The following MAPKAP1 variants were observed in gnomAD, a reference collection of about 807,000 sequenced individuals.
MAPKAP1 encodes target of rapamycin complex 2 subunit MAPKAP1.
A neutral mutation model predicts 65.7 loss-of-function variants in MAPKAP1; 20 were observed. The ratio of observed to expected loss-of-function variants is 0.30; its 90% confidence interval spans 0.21 to 0.44. The LOEUF is 0.44. Ranked by LOEUF, MAPKAP1 falls within the 20% of genes least tolerant of loss-of-function variation. MAPKAP1 has a pLI of 1.00. For synonymous variants in MAPKAP1, 222 were observed against 244.3 expected, an observed-to-expected ratio of 0.91 and a Z score of 0.85; for missense variants, 423 against 648.0, an observed-to-expected ratio of 0.65 and a Z score of 3.77.
At chr9:125,569,299 A>G (rs563048668) in intron 5 of MAPKAP1, among the ~76,000 whole-genome samples, 1 of 152,342 alleles carries the variant, frequency 6.6e-6, no homozygotes, top group African/African-American at 2.4e-5. Flanking sequence ...CTCAAAATGA[A>G]CTACTCTAGA....
intron 5 of MAPKAP1, among the ~76,000 whole-genome samples, chr9:125,571,019 A>C (rs1281420999): frequency 6.6e-6 from 1 of 152,228 alleles, no homozygotes; most frequent in Admixed American, 6.5e-5. Flanking sequence ...GATTTTATTA[A>C]AAATTGCATT....
At chr9:125,638,693 G>GA (rs1833492669) in intron 4 of MAPKAP1, among the ~76,000 whole-genome samples, 1 of 152,190 alleles carries the variant, frequency 6.6e-6, no homozygotes, top group South Asian at 2.1e-4. Flanking sequence ...CGGGCCTGAG[G>GA]AAACAGGGCC....
At chr9:125,565,839 T>C (rs999893615) in intron 5 of MAPKAP1, 21 of 300,734 alleles carry the variant, frequency 7.0e-5, no homozygotes, top group African/African-American at 4.6e-4. Flanking sequence ...GCATGTGGTG[T>C]AACACATAGT....
chr9:125,670,881 G>A (rs1042422973), intron 2 of MAPKAP1, among the ~76,000 whole-genome samples: 5 of 152,044 alleles, frequency 3.3e-5, no homozygotes, highest in East Asian at 3.9e-4. Flanking sequence ...CTCTTTTTCC[G>A]CCTCTTTCAA....
At chr9:125,691,010 C>T (rs546347358) in intron 1 of MAPKAP1, among the ~76,000 whole-genome samples, 2 of 152,260 alleles carry the variant, frequency 1.3e-5, no homozygotes, top group South Asian at 2.1e-4. Context: ...GCCTGTAATC[C>T]CAGCACTGTG....
intron 1 of MAPKAP1, among the ~76,000 whole-genome samples, chr9:125,688,405 G>A (rs187437078): frequency 8.0e-4 from 122 of 152,150 alleles, no homozygotes; most frequent in African/African-American, 2.8e-3. Context: ...CCCAAAGTAC[G>A]GGGGTTACAG....
chr9:125,700,435 C>T (rs1835561834), intron 1 of MAPKAP1, among the ~76,000 whole-genome samples: 1 of 152,176 alleles, frequency 6.6e-6, no homozygotes, highest in Non-Finnish European at 1.5e-5. Flanking sequence ...TCTAACACTG[C>T]TTATATTTAG....
At chr9:125,534,601 T>A (rs1830021700) in intron 7 of MAPKAP1, among the ~76,000 whole-genome samples, 1 of 152,242 alleles carries the variant, frequency 6.6e-6, no homozygotes, top group Non-Finnish European at 1.5e-5. Context: ...TGTCTCTGCT[T>A]CATGTTCTTT....
intron 6 of MAPKAP1, among the ~76,000 whole-genome samples, chr9:125,557,970 C>T (rs892814877): frequency 1.3e-5 from 2 of 152,216 alleles, no homozygotes; most frequent in African/African-American, 2.4e-5. Context: ...GATTCTCCTG[C>T]CTCAGACTCC....
chr9:125,673,342 T>C (rs970834697), intron 1 of MAPKAP1, among the ~76,000 whole-genome samples: 1 of 152,184 alleles, frequency 6.6e-6, no homozygotes, highest in Admixed American at 6.5e-5. Flanking sequence ...TTCTCCGGCC[T>C]CAGCCTCCCG....
At chr9:125,649,798 C>CA (rs35503728) in intron 4 of MAPKAP1, among the ~76,000 whole-genome samples, 4,447 of 75,770 alleles carry the variant, frequency 0.059, 167 homozygotes, top group East Asian at 0.2. Context: ...AACTCCGTCT[C>CA]AAAAAAAAAA....
chr9:125,479,741 G>A (rs1854240259), intron 9 of MAPKAP1, among the ~76,000 whole-genome samples: 1 of 152,112 alleles, frequency 6.6e-6, no homozygotes, highest in African/African-American at 2.4e-5. Context: ...CAGAGCCTGG[G>A]GATTCTGATC....
In MAPKAP1 at chr9:125,698,539, G is replaced by A. The variant is rs187705379; in HGVS notation, c.-70+8432C>T. 2.6e-3 allele frequency among the ~76,000 whole-genome samples: 387 copies of A among 150,972 alleles called. 2 individuals are homozygous for A. The highest frequency in any genetic ancestry group is 5.1e-3 in the Admixed American group (77 of 15,082). On this transcript the variant is annotated intron_variant, in intron 1 of 11. Transcript: ENST00000265960. ...GTATTTTTAGTAGAGACAGGGTTTCGCCATGTTGGCCAGGCTGGTCTCGAA... is the reference window on the plus strand; with the variant it reads ...GTATTTTTAGTAGAGACAGGGTTTCACCATGTTGGCCAGGCTGGTCTCGAA...
intron 5 of MAPKAP1, among the ~76,000 whole-genome samples, chr9:125,564,096 A>G (rs182584511): frequency 1.4e-4 from 22 of 152,330 alleles, no homozygotes; most frequent in Non-Finnish European, 1.6e-4. Context: ...TTTCACAGTG[A>G]TATCTGTTAA....
intron 7 of MAPKAP1, among the ~76,000 whole-genome samples, chr9:125,517,147 C>A (rs1829484337): frequency 6.6e-6 from 1 of 152,130 alleles, no homozygotes; most frequent in Non-Finnish European, 1.5e-5. Context: ...TGCTCTTCAC[C>A]ACTCTGCTCT....
rs1008145665 is a variant in MAPKAP1 at position 125,447,720 on chromosome 9, G to T, written c.1346-3122C>A. 6.6e-6 allele frequency among the ~76,000 whole-genome samples: 1 copy of T among 152,138 alleles called. No individual in the cohort carries two copies. The highest frequency in any genetic ancestry group is 1.5e-5 in the Non-Finnish European group (1 of 68,030). On this transcript the variant is annotated intron_variant, in intron 10 of 11. Coordinates refer to ENST00000265960, the MANE Select transcript of MAPKAP1 (RefSeq NM_001006617.3). This position sits in a 1 kb window ranked among gnomAD's most constrained non-coding sequence, Gnocchi z 4.5. ...TATGATGAGCGTGAAGAAGGTAAAC[G>T]CAGGGAGCTGCCGTGGAGACACCAA...
intron 7 of MAPKAP1, among the ~76,000 whole-genome samples, chr9:125,536,280 G>C (rs1343848505): frequency 6.6e-6 from 1 of 152,222 alleles, no homozygotes; most frequent in East Asian, 1.9e-4. Context: ...GACAGGGAGA[G>C]GCTCAGGTGA....
chr9:125,700,744 T>C (rs934930876), intron 1 of MAPKAP1, among the ~76,000 whole-genome samples: 7 of 152,222 alleles, frequency 4.6e-5, no homozygotes, highest in Non-Finnish European at 1.5e-5. Flanking sequence ...GTTATTTCCT[T>C]ATACAATAGA....
intron 4 of MAPKAP1, among the ~76,000 whole-genome samples, chr9:125,592,924 A>C (rs1295573636): frequency 7.0e-6 from 1 of 143,842 alleles, no homozygotes; most frequent in East Asian, 2.0e-4. Context: ...AAAAAAAAGG[A>C]ACATACTATG....
Sources: allele counts gnomAD v4.1 joint callset (sites outside exome capture counted in the v4.1 genomes callset), GRCh38; gene constraint gnomAD v4.1.1; non-coding constraint Gnocchi (gnomAD v3.1); transcripts MANE v1.5; gene names NCBI Gene and HGNC (gene_info 2026-07-23, HGNC 2026-07-21).